The following CSMD1 variants were observed in gnomAD, a reference collection of about 807,000 sequenced individuals.
CSMD1 encodes CUB and sushi domain-containing protein 1.
CSMD1 carries 213 observed loss-of-function variants against 417.5 expected under a neutral mutation model. The observed-to-expected ratio is 0.51, with a 90% confidence interval of 0.46 to 0.57. CSMD1 has a LOEUF of 0.57. Among genes scored for constraint, CSMD1 ranks in the 20% least tolerant of loss-of-function variants. The probability of loss-of-function intolerance (pLI) is 0.00; values close to 1 mark genes in which losing one functional copy is unlikely to be tolerated. For synonymous variants in CSMD1, 2,862 were observed against 1,736.8 expected (o/e 1.65, Z -16.11); for missense variants, 6,923 against 4,529.7 (o/e 1.53, Z -15.17).
intron 1 of CSMD1, among the ~76,000 whole-genome samples, chr8:4,728,634 T>C (rs1013472510): frequency 3.3e-5 from 5 of 152,166 alleles, no homozygotes; most frequent in African/African-American, 1.2e-4. Flanking sequence ...CAAAGACCCA[T>C]GTATGTTAGA....
At chr8:4,082,070 T>C (rs188014699) in intron 3 of CSMD1, among the ~76,000 whole-genome samples, 8 of 152,136 alleles carry the variant, frequency 5.3e-5, no homozygotes, top group African/African-American at 1.9e-4. Context: ...GAAAGATTAA[T>C]TGATGAAGAT....
At chr8:4,918,296 A>C (rs1056745069) in intron 1 of CSMD1, among the ~76,000 whole-genome samples, 1 of 152,160 alleles carries the variant, frequency 6.6e-6, no homozygotes, top group South Asian at 2.1e-4. Flanking sequence ...TTTTGTATTT[A>C]TGAGCTTCGA....
intron 26 of CSMD1, among the ~76,000 whole-genome samples, chr8:3,241,639 A>G (rs190922519): frequency 9.6e-4 from 146 of 152,260 alleles, no homozygotes; most frequent in African/African-American, 2.6e-3. Context: ...CCTGGGCTGC[A>G]GGCATTCCTT....
At chr8:3,747,974 C>A (rs1388415603) in intron 6 of CSMD1, among the ~76,000 whole-genome samples, 1 of 152,000 alleles carries the variant, frequency 6.6e-6, no homozygotes, top group Non-Finnish European at 1.5e-5. Flanking sequence ...AGAAGTCCAC[C>A]ATGGTTCTCC....
intron 3 of CSMD1, among the ~76,000 whole-genome samples, chr8:4,120,512 A>C (rs1232982403): frequency 6.6e-6 from 1 of 152,146 alleles, no homozygotes; most frequent in African/African-American, 2.4e-5. Context: ...AATTATTTCC[A>C]AATTTCTATA....
At chr8:4,369,550 C>G (rs543151122) in intron 3 of CSMD1, among the ~76,000 whole-genome samples, 1 of 152,282 alleles carries the variant, frequency 6.6e-6, no homozygotes, top group Admixed American at 6.5e-5. Flanking sequence ...ATTGAAGTCT[C>G]CCAGTATTAT....
chr8:3,203,281 C>T (rs1451221305), intron 31 of CSMD1, among the ~76,000 whole-genome samples: 5 of 152,138 alleles, frequency 3.3e-5, no homozygotes, highest in Non-Finnish European at 7.3e-5. Context: ...GCCCCAACGT[C>T]TTCCTTGAGG....
At chr8:4,165,289 G>A (rs2407308) in intron 3 of CSMD1, among the ~76,000 whole-genome samples, 45,482 of 152,152 alleles carry the variant, frequency 0.3, 7,045 homozygotes, top group South Asian at 0.43. Flanking sequence ...TGATCCACTC[G>A]GTTAAGTTCT....
In CSMD1 at chr8:4,768,164, T is replaced by C. The variant is rs73661120; in HGVS notation, c.86-130606A>G. 4.4e-3 allele frequency among the ~76,000 whole-genome samples: 668 copies of C among 152,136 alleles called. 2 individuals carry two copies. The highest frequency in any genetic ancestry group is 0.016 in the African/African-American group (647 of 41,502). ...TGGAAAACAAAACTAGTGGTGAAAA[T>C]TAGCAGGACATTGATGGATGACTTT... On this transcript the variant is annotated intron_variant, in intron 1 of 69. Transcript: ENST00000635120.
chr8:4,219,330 T>G (rs1238991085), intron 3 of CSMD1, among the ~76,000 whole-genome samples: 1 of 152,226 alleles, frequency 6.6e-6, no homozygotes, highest in East Asian at 1.9e-4. Context: ...TTCATTCACT[T>G]TCGTAACTTG....
chr8:4,444,346 C>CAAAAAAAAAAAAAAAAAAAAA (rs112028005), intron 2 of CSMD1, among the ~76,000 whole-genome samples: 13 of 46,274 alleles, frequency 2.8e-4, no homozygotes, highest in African/African-American at 5.7e-4. Context: ...GACTCCATCT[C>CAAAAAAAAAAAAAAAAAAAAA]AAAAAAAAAA....
At chr8:4,246,958 A>C (rs764134240) in intron 3 of CSMD1, among the ~76,000 whole-genome samples, 2 of 152,212 alleles carry the variant, frequency 1.3e-5, no homozygotes, top group African/African-American at 2.4e-5. Context: ...AAAACTATGG[A>C]AACACTTTAG....
intron 4 of CSMD1, among the ~76,000 whole-genome samples, chr8:4,020,151 A>G (rs111648385): frequency 0.016 from 2,410 of 152,252 alleles, 70 homozygotes; most frequent in African/African-American, 0.056. Context: ...GGGTTATGCC[A>G]TTTAATCTTT....
chr8:3,425,054 G>T (rs1813741660), intron 12 of CSMD1, among the ~76,000 whole-genome samples: 1 of 152,102 alleles, frequency 6.6e-6, no homozygotes, highest in Admixed American at 6.5e-5. Flanking sequence ...TGACCAGCCT[G>T]GTTCCAAGTC....
intron 3 of CSMD1, among the ~76,000 whole-genome samples, chr8:4,103,988 G>T (rs541540150): frequency 6.6e-6 from 1 of 152,190 alleles, no homozygotes; most frequent in Admixed American, 6.5e-5. Flanking sequence ...GATGTTCTAA[G>T]AGTGCCCCAG....
chr8:3,618,208 G>A (rs921781854), intron 7 of CSMD1, among the ~76,000 whole-genome samples: 8 of 152,044 alleles, frequency 5.3e-5, no homozygotes, highest in Non-Finnish European at 1.5e-5. Flanking sequence ...GTCTCACTAT[G>A]TTTCCCAGAC....
chr8:4,152,709 C>A (rs551860635), intron 3 of CSMD1, among the ~76,000 whole-genome samples: 1 of 151,838 alleles, frequency 6.6e-6, no homozygotes, highest in Non-Finnish European at 1.5e-5. Flanking sequence ...AAAAAAAATC[C>A]TTTACATATA....
At position 4,717,310 on chromosome 8, in the gene CSMD1, C is replaced by CATATATATATATATATATATATATAT. The variant is rs377764710; in HGVS notation, c.86-79753_86-79752insATATATATATATATATATATATATAT. Among the ~76,000 whole-genome samples, 158 of 137,012 alleles carry CATATATATATATATATATATATATAT rather than the reference C, an allele frequency of 1.2e-3. 2 individuals carry two copies. Among genetic ancestry groups the CATATATATATATATATATATATATAT allele is most frequent in the African/African-American group, 4.1e-3 (138 of 33,274 alleles). The allele number at this position is 137,012 out of a possible 152,430, so 89.9% of individuals were successfully genotyped here. A position where few individuals can be genotyped will look rare whatever the true frequency, so the allele number is the denominator to read the frequency against. On this transcript the variant is annotated intron_variant, in intron 1 of 69. Transcript: ENST00000635120. The stretch of plus-strand genomic sequence containing the variant: ...CCCTGCCCTTCTCTCTCTCTCTCTC[C>CATATATATATATATATATATATATAT]ATATATATATATATATACACACACA...
At chr8:3,663,930 A>G (rs750431909) in intron 7 of CSMD1, among the ~76,000 whole-genome samples, 6 of 152,154 alleles carry the variant, frequency 3.9e-5, no homozygotes, top group Non-Finnish European at 8.8e-5. Flanking sequence ...CATGTTTCAG[A>G]TATTTGGGGT....
Sources: allele counts gnomAD v4.1 joint callset (sites outside exome capture counted in the v4.1 genomes callset), GRCh38; gene constraint gnomAD v4.1.1; transcripts MANE v1.5; gene names NCBI Gene and HGNC (gene_info 2026-07-23, HGNC 2026-07-21).